The following IMMP2L variants were observed in gnomAD, a reference collection of about 807,000 sequenced individuals.
IMMP2L encodes mitochondrial inner membrane protease subunit 2.
In IMMP2L, 18 loss-of-function variants were observed where a neutral mutation model predicts 19.3. The observed-to-expected ratio is 0.93, with a 90% CI of 0.64 to 1.38. IMMP2L has a LOEUF of 1.38. Among genes scored for constraint, IMMP2L ranks in the 40% most tolerant of loss-of-function variants. IMMP2L has a pLI of 0.00. For missense variants in IMMP2L, 233 were observed against 218.2 expected, an observed-to-expected ratio of 1.07 and a Z score of -0.43; for synonymous variants, 76 against 73.0, an observed-to-expected ratio of 1.04 and a Z score of -0.21.
chr7:110,834,976 T>G (rs1804307428), intron 5 of IMMP2L, among the ~76,000 whole-genome samples: 1 of 152,016 alleles, frequency 6.6e-6, no homozygotes, highest in Non-Finnish European at 1.5e-5. Context: ...AAACACTGAG[T>G]GCCATCAGCC....
intron 3 of IMMP2L, among the ~76,000 whole-genome samples, chr7:111,429,139 T>A (rs1836382396): frequency 6.6e-6 from 1 of 151,816 alleles, no homozygotes; most frequent in Non-Finnish European, 1.5e-5. Flanking sequence ...GTAACACTTG[T>A]ATATTAATCT....
intron 3 of IMMP2L, among the ~76,000 whole-genome samples, chr7:111,017,562 A>T (rs1825840143): frequency 6.6e-6 from 1 of 152,102 alleles, no homozygotes; most frequent in African/African-American, 2.4e-5. Context: ...CAGATATGGA[A>T]ATTGTCTGAC....
At chr7:110,978,764 T>A (rs1196508150) in intron 3 of IMMP2L, among the ~76,000 whole-genome samples, 1 of 152,052 alleles carries the variant, frequency 6.6e-6, no homozygotes, top group Non-Finnish European at 1.5e-5. Flanking sequence ...CATTGATGAT[T>A]AACACAAAAT....
intron 2 of IMMP2L, among the ~76,000 whole-genome samples, chr7:111,499,798 G>C (rs759620988): frequency 1.3e-5 from 2 of 152,108 alleles, no homozygotes; most frequent in African/African-American, 2.4e-5. Flanking sequence ...CTGGGCTTTG[G>C]GCTCTTTTTT....
intron 2 of IMMP2L, among the ~76,000 whole-genome samples, chr7:111,511,287 C>T (rs894715983): frequency 2.0e-5 from 3 of 152,000 alleles, no homozygotes; most frequent in Admixed American, 2.0e-4. Context: ...TTTCTTTTTG[C>T]TTCTCATATA....
intron 5 of IMMP2L, among the ~76,000 whole-genome samples, chr7:110,810,654 A>C (rs184187139): frequency 1.2e-4 from 18 of 152,154 alleles, no homozygotes; most frequent in East Asian, 9.7e-4. Flanking sequence ...CCGATAATGG[A>C]ACACTAGGCA....
chr7:111,199,306 G>C (rs952403449), intron 3 of IMMP2L, among the ~76,000 whole-genome samples: 2 of 152,012 alleles, frequency 1.3e-5, no homozygotes, highest in Non-Finnish European at 2.9e-5. Flanking sequence ...CTAAAACTAA[G>C]AGTAACTGGA....
chr7:110,923,539 T>C (rs191641968), intron 4 of IMMP2L, among the ~76,000 whole-genome samples: 1 of 152,320 alleles, frequency 6.6e-6, no homozygotes, highest in Admixed American at 6.5e-5. Context: ...GGCTTTATTA[T>C]ATGTCTACAC....
chr7:111,498,060 T>G (rs1054990917), intron 2 of IMMP2L, among the ~76,000 whole-genome samples: 2 of 152,052 alleles, frequency 1.3e-5, no homozygotes, highest in African/African-American at 4.8e-5. Flanking sequence ...GGAAAGCATC[T>G]GATTTTTATA....
chr7:110,672,144 C>G (rs977904359), intron 5 of IMMP2L, among the ~76,000 whole-genome samples: 3 of 152,062 alleles, frequency 2.0e-5, no homozygotes, highest in Non-Finnish European at 4.4e-5. Context: ...AATTGACTCA[C>G]AGTTACTGTG....
chr7:111,468,314 C>T (rs1009132246), intron 3 of IMMP2L, among the ~76,000 whole-genome samples: 1 of 151,964 alleles, frequency 6.6e-6, no homozygotes, highest in Non-Finnish European at 1.5e-5. Flanking sequence ...AATATCCACA[C>T]AGGGATTTAC....
At position 111,072,968 on chromosome 7, in the gene IMMP2L, G is replaced by T. The variant is rs1030279466; in HGVS notation, c.240-109403C>A. On this transcript the variant is annotated intron_variant, in intron 3 of 5. Transcript: ENST00000405709. ...GACAGTAATGCATGATCCTGGATTA[G>T]ATCATTGGTAAAGGCAAAGACATGG... Among the ~76,000 whole-genome samples, 5 of 151,294 alleles carry T rather than the reference G, an allele frequency of 3.3e-5. No individual in the cohort carries two copies. In the South Asian group the frequency reaches 1.0e-3, roughly 32 times the overall value.
intron 4 of IMMP2L, among the ~76,000 whole-genome samples, chr7:110,949,067 T>A (rs1563103906): frequency 6.6e-6 from 1 of 152,214 alleles, no homozygotes; most frequent in African/African-American, 2.4e-5. Flanking sequence ...TCCCTTGTTT[T>A]GAGACATTTC....
intron 5 of IMMP2L, among the ~76,000 whole-genome samples, chr7:110,797,905 T>C (rs1380022433): frequency 6.6e-6 from 1 of 151,968 alleles, no homozygotes; most frequent in Non-Finnish European, 1.5e-5. Context: ...TGTTTTGAAA[T>C]GGATCTTGCA....
At chr7:111,047,014 T>C (rs889213187) in intron 3 of IMMP2L, among the ~76,000 whole-genome samples, 2 of 152,134 alleles carry the variant, frequency 1.3e-5, no homozygotes, top group Non-Finnish European at 2.9e-5. Flanking sequence ...TATATCTCCT[T>C]TGCTACTTTC....
chr7:111,228,621 C>T (rs1437232446), intron 3 of IMMP2L, among the ~76,000 whole-genome samples: 1 of 152,002 alleles, frequency 6.6e-6, no homozygotes, highest in East Asian at 1.9e-4. Flanking sequence ...GTATCCATTC[C>T]GAGAAACTGA....
At chr7:110,790,568 T>C (rs557885888) in intron 5 of IMMP2L, among the ~76,000 whole-genome samples, 71 of 151,814 alleles carry the variant, frequency 4.7e-4, no homozygotes, top group African/African-American at 1.7e-3. Context: ...CTTTTCAACG[T>C]AGAGCTGAAC....
At chr7:111,102,738 A>G (rs559058268) in intron 3 of IMMP2L, among the ~76,000 whole-genome samples, 1 of 151,684 alleles carries the variant, frequency 6.6e-6, no homozygotes, top group Non-Finnish European at 1.5e-5. Context: ...ATTCTATTAG[A>G]AACTTCCACT....
At chr7:111,470,765 A>G (rs1841181104) in intron 3 of IMMP2L, among the ~76,000 whole-genome samples, 1 of 149,710 alleles carries the variant, frequency 6.7e-6, no homozygotes, top group Admixed American at 6.7e-5. Flanking sequence ...TAGGAGATAT[A>G]CCTAATGCTA....
Sources: gnomAD v4.1 joint callset for allele counts (sites outside exome capture counted in the v4.1 genomes callset) on GRCh38, gnomAD v4.1.1 for gene constraint, MANE v1.5 for transcripts, NCBI Gene and HGNC (gene_info 2026-07-23, HGNC 2026-07-21) for gene names.